CNTN4: variants seen among roughly 807,000 people sequenced by gnomAD.
The protein encoded by CNTN4 is contactin-4.
Under a neutral mutation model 122.5 loss-of-function variants are expected in CNTN4, and 77 were observed. The observed-to-expected ratio is 0.63, with a 90% CI of 0.52 to 0.76. The LOEUF (loss-of-function observed/expected upper bound fraction) is 0.76. Ranked by LOEUF, CNTN4 falls within the 30% of genes least tolerant of loss-of-function variation. CNTN4 has a pLI of 0.00. For synonymous variants in CNTN4, 512 were observed against 447.0 expected, an observed-to-expected ratio of 1.15 and a Z score of -1.83; for missense variants, 1,256 against 1,259.1, an observed-to-expected ratio of 1.00 and a Z score of 0.04.
chr3:2,999,621 G>A (rs1029345434), intron 14 of CNTN4, among the ~76,000 whole-genome samples: 2 of 152,048 alleles, frequency 1.3e-5, no homozygotes, highest in African/African-American at 4.8e-5. Flanking sequence ...CAGAGGGGAG[G>A]AACATGGCTA....
At chr3:2,879,580 G>T (rs2093883595) in intron 8 of CNTN4, among the ~76,000 whole-genome samples, 1 of 152,130 alleles carries the variant, frequency 6.6e-6, no homozygotes, top group African/African-American at 2.4e-5. Flanking sequence ...TCAATGAAAG[G>T]AGCCAGGCAC....
intron 4 of CNTN4, among the ~76,000 whole-genome samples, chr3:2,691,888 T>C (rs1176073409): frequency 6.6e-6 from 1 of 152,206 alleles, no homozygotes; most frequent in Non-Finnish European, 1.5e-5. Flanking sequence ...AATATATTTA[T>C]GACCTTTGTT....
chr3:2,521,343 T>TCGGGCCCCCCC (rs781282977), intron 3 of CNTN4, among the ~76,000 whole-genome samples: 2 of 128,352 alleles, frequency 1.6e-5, no homozygotes, highest in East Asian at 2.3e-4. Context: ...CCTCTACCCA[T>TCGGGCCCCCCC]CCCCCCCACC....
chr3:3,038,304 A>G (rs187744392), intron 18 of CNTN4, among the ~76,000 whole-genome samples: 16 of 152,302 alleles, frequency 1.1e-4, no homozygotes, highest in African/African-American at 3.8e-4. Flanking sequence ...TCTTTTATAG[A>G]GAAAACTGGT....
chr3:2,342,674 A>C (rs146627146), intron 3 of CNTN4, among the ~76,000 whole-genome samples: 305 of 152,266 alleles, frequency 2.0e-3, no homozygotes, highest in African/African-American at 5.4e-3. Context: ...CACTCTCACT[A>C]TTCTTCCTGC....
At chr3:2,931,996 C>T (rs1012035235) in intron 13 of CNTN4, among the ~76,000 whole-genome samples, 1 of 151,662 alleles carries the variant, frequency 6.6e-6, no homozygotes, top group South Asian at 2.1e-4. Context: ...CCCATTGGAT[C>T]GTAAATTCCA....
intron 3 of CNTN4, among the ~76,000 whole-genome samples, chr3:2,394,637 T>A (rs2046570703): frequency 6.6e-6 from 1 of 152,142 alleles, no homozygotes; most frequent in African/African-American, 2.4e-5. Context: ...TATAAATTGG[T>A]GCAATTACTT....
chr3:2,148,972 T>TTG, intron 2 of CNTN4, among the ~76,000 whole-genome samples: 1 of 142,322 alleles, frequency 7.0e-6, no homozygotes, highest in Admixed American at 7.2e-5. Flanking sequence ...GTGTGTGTGT[T>TTG]GGGGGGGTGG....
chr3:2,669,817 A>G (rs1004955222), intron 4 of CNTN4, among the ~76,000 whole-genome samples: 1 of 152,198 alleles, frequency 6.6e-6, no homozygotes, highest in Non-Finnish European at 1.5e-5. Flanking sequence ...GGTTTCCAAG[A>G]ACATCTTTAT....
intron 6 of CNTN4, among the ~76,000 whole-genome samples, chr3:2,761,603 T>C (rs1347158094): frequency 6.6e-6 from 1 of 152,186 alleles, no homozygotes; most frequent in Non-Finnish European, 1.5e-5. Context: ...GGTATAGTTT[T>C]GTCTGGCTCT....
intron 4 of CNTN4, among the ~76,000 whole-genome samples, chr3:2,673,250 A>T (rs574635999): frequency 1.8e-4 from 28 of 152,226 alleles, no homozygotes; most frequent in Admixed American, 1.4e-3. Context: ...ATAGGTATAA[A>T]AGGGAGTGCT....
chr3:3,003,710 A>C (rs796462893), intron 14 of CNTN4, among the ~76,000 whole-genome samples: 3,663 of 145,768 alleles, frequency 0.025, 152 homozygotes, highest in African/African-American at 0.094. Flanking sequence ...AAAAAAAAAA[A>C]AAAACAAAAA....
chr3:2,764,389 A>T (rs1414712353), intron 6 of CNTN4, among the ~76,000 whole-genome samples: 1 of 152,218 alleles, frequency 6.6e-6, no homozygotes, highest in Admixed American at 6.5e-5. Flanking sequence ...AATGTTTTCT[A>T]GACAGAAAAT....
intron 2 of CNTN4, among the ~76,000 whole-genome samples, chr3:2,158,947 G>T (rs1033058816): frequency 2.0e-5 from 3 of 152,284 alleles, no homozygotes; most frequent in African/African-American, 7.2e-5. Context: ...TGGTGGGCTA[G>T]ACAGGACATA....
chr3:2,450,491 A>G (rs1276261713), intron 3 of CNTN4, among the ~76,000 whole-genome samples: 3 of 152,208 alleles, frequency 2.0e-5, no homozygotes, highest in African/African-American at 7.2e-5. Context: ...TTTGAAGGCT[A>G]TGATGATTCT....
At chr3:2,277,422 TC>T (rs2041557022) in intron 2 of CNTN4, among the ~76,000 whole-genome samples, 2 of 152,120 alleles carry the variant, frequency 1.3e-5, no homozygotes, top group Non-Finnish European at 1.5e-5. Flanking sequence ...GAACAAAAGT[TC>T]CCACTCAACA....
At chr3:2,424,156 G>A (rs905195290) in intron 3 of CNTN4, among the ~76,000 whole-genome samples, 1 of 149,930 alleles carries the variant, frequency 6.7e-6, no homozygotes, top group African/African-American at 2.5e-5. Flanking sequence ...ATGTTGGTGT[G>A]CTACACCCAT....
intron 13 of CNTN4, among the ~76,000 whole-genome samples, chr3:2,983,721 C>T (rs775413674): frequency 1.3e-5 from 2 of 152,170 alleles, no homozygotes; most frequent in African/African-American, 4.8e-5. Context: ...GTAGTAGAAG[C>T]ATGATTTGAG....
chr3:2,994,168 A>G (rs1499128), intron 14 of CNTN4, among the ~76,000 whole-genome samples: 9,715 of 152,138 alleles, frequency 0.064, 1,049 homozygotes, highest in African/African-American at 0.22. Context: ...CTAAATCAGC[A>G]GAACTGTTCC....
Sources: gnomAD v4.1 joint callset for allele counts (sites outside exome capture counted in the v4.1 genomes callset) on GRCh38, gnomAD v4.1.1 for gene constraint, MANE v1.5 for transcripts, NCBI Gene and HGNC (gene_info 2026-07-23, HGNC 2026-07-21) for gene names.